The following SNX30 variants were observed in gnomAD, a reference collection of about 807,000 sequenced individuals.
The protein encoded by SNX30 is sorting nexin family member 30.
SNX30 carries 24 observed loss-of-function variants against 46.4 expected under a neutral mutation model. That is an observed-to-expected ratio of 0.52 (90% CI 0.37 to 0.73). The LOEUF (loss-of-function observed/expected upper bound fraction) is 0.73. Among genes scored for constraint, SNX30 ranks in the 30% least tolerant of loss-of-function variants. The pLI, the probability that SNX30 is intolerant of heterozygous loss-of-function variation, is 0.00. For missense variants in SNX30, 533 were observed against 555.7 expected, an observed-to-expected ratio of 0.96 and a Z score of 0.41; for synonymous variants, 189 against 211.5, an observed-to-expected ratio of 0.89 and a Z score of 0.92.
intron 8 of SNX30, among the ~76,000 whole-genome samples, chr9:112,865,997 A>G (rs570747707): frequency 6.6e-6 from 1 of 152,076 alleles, no homozygotes; most frequent in South Asian, 2.1e-4. Context: ...TCCCAGGAGG[A>G]CCCAACCCTG....
At chr9:112,782,147 C>A (rs896169028) in intron 1 of SNX30, among the ~76,000 whole-genome samples, 1 of 152,022 alleles carries the variant, frequency 6.6e-6, no homozygotes, top group Non-Finnish European at 1.5e-5. Flanking sequence ...GCTCACTGCA[C>A]CCTCTACCTT....
Position 112,838,506 on chromosome 9 carries a change from G to C in SNX30, c.823G>C (p.Val275Leu), listed in dbSNP as rs1840802107. The C allele has an allele frequency of 4.3e-6, 7 of 1,611,356 alleles. No individual in the cohort carries two copies. Among genetic ancestry groups the C allele is most frequent in the Non-Finnish European group, 5.9e-6 (7 of 1,178,338 alleles). The change falls in exon 6 of 9, where the codon GTG becomes CTG. Residue 275 changes from valine (V) to leucine (L), a missense_variant. Around this residue, in one of 3 missense-constraint regions of SNX30, gnomAD observed 261 missense variants for 270.9 expected, o/e 0.96. Transcript: ENST00000374232. ...TTCTGTTCCCTGTTCAGAGTACCTT[G>C]TGGAGCTGAGAGAATACGGGCCTGT... The part of the protein sequence containing the change: ...RIIKEEIEYL[V>L]ELREYGPVYS...
rs986023202 is a variant in SNX30 at position 112,821,686 on chromosome 9, C to T, written c.459+3871C>T. 1.8e-4 allele frequency among the ~76,000 whole-genome samples: 27 copies of T among 151,750 alleles called. 1 individual carries two copies. The highest frequency in any genetic ancestry group is 8.5e-4 in the Admixed American group (13 of 15,214). On this transcript the variant is annotated intron_variant, in intron 3 of 8. Transcript: ENST00000374232. ...TATTTTTAGTAGAAACAGGGTTTCA[C>T]CATGTTAGCCAGGATGGTCTCCATC...
At chr9:112,820,087 T>C (rs1840469168) in intron 3 of SNX30, among the ~76,000 whole-genome samples, 1 of 152,192 alleles carries the variant, frequency 6.6e-6, no homozygotes, top group East Asian at 1.9e-4. Context: ...TGAAACATAG[T>C]GTCTACTCTT....
chr9:112,838,550 C>G lies in SNX30; in HGVS notation c.867C>G (p.Ala289=), dbSNP rs550802917. The change falls in exon 6 of 9, where the codon GCC becomes GCG. Residue 289 remains alanine (A), a synonymous_variant. Coordinates refer to ENST00000374232, the MANE Select transcript of SNX30 (RefSeq NM_001012994.2). ...GGCCTGTGTACTCCACATGGAGCGC[C>G]TTGGAGGGTGAGCTGGCTGAACCCC... ...EYGPVYSTWS[A]LEGELAEPLE... is the part of the protein sequence containing the mutation. The G allele has an allele frequency of 1.4e-4, 230 of 1,614,168 alleles. 2 individuals are homozygous for G. In the South Asian group the frequency reaches 2.4e-3, roughly 17 times the overall value.
downstream of SNX30, chr9:112,885,210 A>G (rs117406889): frequency 2.6e-5 from 4 of 152,126 alleles, no homozygotes; most frequent in East Asian, 5.8e-4. Flanking sequence ...AGGAAGCTCA[A>G]CTTTCCATTC....
At chr9:112,823,469 T>C (rs1840536446) in intron 3 of SNX30, among the ~76,000 whole-genome samples, 1 of 152,256 alleles carries the variant, frequency 6.6e-6, no homozygotes, top group African/African-American at 2.4e-5. Flanking sequence ...TTGACACTTC[T>C]GCATTTCCTG....
At chr9:112,822,536 G>GTCT (rs1554753728) in intron 3 of SNX30, among the ~76,000 whole-genome samples, 1 of 123,724 alleles carries the variant, frequency 8.1e-6, no homozygotes, top group South Asian at 2.4e-4. Context: ...TTGCTGTTTT[G>GTCT]TTTTGTTTTT....
At chr9:112,787,553 A>G (rs1421986330) in intron 1 of SNX30, among the ~76,000 whole-genome samples, 2 of 152,132 alleles carry the variant, frequency 1.3e-5, no homozygotes, top group East Asian at 3.9e-4. Context: ...TTTAGTTTAG[A>G]GAGACAGTTT....
intron 1 of SNX30, among the ~76,000 whole-genome samples, chr9:112,756,712 C>T (rs771699501): frequency 7.2e-5 from 11 of 152,130 alleles, no homozygotes; most frequent in Non-Finnish European, 1.3e-4. Flanking sequence ...CCGCCTGCCT[C>T]GGCCTCTGAA....
intron 1 of SNX30, 80 bp downstream of exon 1, chr9:112,751,237 C>T (rs1266610846): frequency 3.9e-6 from 5 of 1,289,526 alleles, no homozygotes; most frequent in Non-Finnish European, 5.0e-6. Flanking sequence ...CCTTCGTGGG[C>T]CTGGGGCCGC....
intron 1 of SNX30, among the ~76,000 whole-genome samples, chr9:112,759,269 T>A (rs1839402689): frequency 6.6e-6 from 1 of 152,198 alleles, no homozygotes; most frequent in Non-Finnish European, 1.5e-5. Context: ...CTCAGCCTCC[T>A]GCTGCCTAGT....
chr9:112,827,722 A>G (rs1840599235), intron 3 of SNX30, among the ~76,000 whole-genome samples: 1 of 152,062 alleles, frequency 6.6e-6, no homozygotes, highest in South Asian at 2.1e-4. Flanking sequence ...AATCCTCTTT[A>G]TTGCCATATT....
chr9:112,752,137 C>A (rs574958532), intron 1 of SNX30, among the ~76,000 whole-genome samples: 1 of 152,214 alleles, frequency 6.6e-6, no homozygotes, highest in East Asian at 1.9e-4. Flanking sequence ...TTTCTTCTCC[C>A]GTTAGAGGGG....
intron 2 of SNX30, among the ~76,000 whole-genome samples, chr9:112,817,393 A>G (rs1236647832): frequency 1.2e-5 from 1 of 81,706 alleles, no homozygotes; most frequent in Admixed American, 1.4e-4. Context: ...GAAAAAAAAA[A>G]AAACTGGCTT....
intron 8 of SNX30, among the ~76,000 whole-genome samples, chr9:112,866,842 G>T (rs1329464396): frequency 8.4e-6 from 1 of 118,630 alleles, no homozygotes; most frequent in South Asian, 2.7e-4. Flanking sequence ...CACCTCCTCA[G>T]AACTCCTCCC....
In SNX30 at chr9:112,837,561, C is replaced by T. The variant is rs879679356; in HGVS notation, c.815-937C>T. ...CACCATCTCGGCTCACTGCAAGCGCCGCCTCCCGGGTTCACGCCATTCTCC... is the reference window on the plus strand; with the variant it reads ...CACCATCTCGGCTCACTGCAAGCGCTGCCTCCCGGGTTCACGCCATTCTCC... On this transcript the variant is annotated intron_variant, in intron 5 of 8. Transcript: ENST00000374232. 3.5e-4 allele frequency among the ~76,000 whole-genome samples: 53 copies of T among 151,816 alleles called. 2 individuals carry two copies. In the Middle Eastern group the frequency reaches 0.014, roughly 39 times the overall value.
chr9:112,861,130 C>T (rs138364308), intron 7 of SNX30, among the ~76,000 whole-genome samples: 3 of 152,308 alleles, frequency 2.0e-5, no homozygotes, highest in East Asian at 3.9e-4. Flanking sequence ...GTGCTGTGTA[C>T]TGAAGAGGGC....
chr9:112,845,352 C>T (rs554656354), intron 6 of SNX30, among the ~76,000 whole-genome samples: 2 of 152,214 alleles, frequency 1.3e-5, no homozygotes, highest in African/African-American at 4.8e-5. Context: ...GTTTACACCG[C>T]GGAACCCTCC....
Sources: allele counts gnomAD v4.1 joint callset (sites outside exome capture counted in the v4.1 genomes callset), GRCh38; gene constraint gnomAD v4.1.1; regional missense constraint gnomAD v4.1.1; transcripts MANE v1.5; gene names NCBI Gene and HGNC (gene_info 2026-07-23, HGNC 2026-07-21).